Variants in NEGR1 observed in about 807,000 individuals in gnomAD.
NEGR1 encodes the protein IgLON family member 4.
In NEGR1, 10 loss-of-function variants were observed where a neutral mutation model predicts 40.9. That is an observed-to-expected ratio of 0.24 (90% CI 0.15 to 0.42). The LOEUF is 0.42. NEGR1 is among the 10% of genes least tolerant of loss of function. NEGR1 has a pLI of 1.00. For synonymous variants in NEGR1, 185 were observed against 166.8 expected, an observed-to-expected ratio of 1.11 and a Z score of -0.84; for missense variants, 352 against 438.9, an observed-to-expected ratio of 0.80 and a Z score of 1.77.
At chr1:71,579,361 G>T (rs530936219) in intron 6 of NEGR1, among the ~76,000 whole-genome samples, 1 of 152,086 alleles carries the variant, frequency 6.6e-6, no homozygotes. Flanking sequence ...TGTGAATCAA[G>T]TTATTTTAGC....
At chr1:71,583,188 G>A (rs1189601797) in intron 6 of NEGR1, among the ~76,000 whole-genome samples, 4 of 151,724 alleles carry the variant, frequency 2.6e-5, no homozygotes, top group South Asian at 2.1e-4. Flanking sequence ...AGTCAGTAAC[G>A]TAAAAAAAAC....
At chr1:72,140,429 G>T (rs920207110) in intron 1 of NEGR1, among the ~76,000 whole-genome samples, 1 of 151,934 alleles carries the variant, frequency 6.6e-6, no homozygotes, top group African/African-American at 2.4e-5. Context: ...TCATCACATG[G>T]CAGACAACAA....
At chr1:71,818,613 T>C (rs1453650917) in intron 2 of NEGR1, among the ~76,000 whole-genome samples, 1 of 151,960 alleles carries the variant, frequency 6.6e-6, no homozygotes, top group Non-Finnish European at 1.5e-5. Context: ...CAAAATAATC[T>C]GTACACCAAA....
At chr1:72,022,004 A>G (rs535495957) in intron 1 of NEGR1, among the ~76,000 whole-genome samples, 1,906 of 151,762 alleles carry the variant, frequency 0.013, 16 homozygotes, top group Non-Finnish European at 0.018. Flanking sequence ...GCGTGGTGGC[A>G]GGCGCCTGTA....
intron 4 of NEGR1, among the ~76,000 whole-genome samples, chr1:71,688,463 T>TAAAAGATATATATATATAAGA (rs1653138652): frequency 1.4e-4 from 1 of 7,046 alleles, no homozygotes; most frequent in Non-Finnish European, 4.2e-4. Context: ...TGTATATATC[T>TAAAAGATATATATATATAAGA]TTTTTTTTTT....
At chr1:72,045,868 G>A (rs942270810) in intron 1 of NEGR1, among the ~76,000 whole-genome samples, 7 of 151,662 alleles carry the variant, frequency 4.6e-5, no homozygotes, top group East Asian at 3.9e-4. Context: ...CAGAAATTTC[G>A]AAAGAATATC....
At chr1:71,578,347 G>T (rs1649026583) in intron 6 of NEGR1, among the ~76,000 whole-genome samples, 1 of 152,140 alleles carries the variant, frequency 6.6e-6, no homozygotes, top group South Asian at 2.1e-4. Context: ...ATTCTTCATT[G>T]ATCTGGGGCT....
intron 2 of NEGR1, among the ~76,000 whole-genome samples, chr1:71,898,873 ATATTGCAAATATATATAT>A (rs200697912): frequency 0.033 from 2,679 of 81,762 alleles, 53 homozygotes; most frequent in East Asian, 0.22. Context: ...GCAAATATAT[ATATTGCAAATATATATAT>A]ATTGCAAATA....
intron 6 of NEGR1, among the ~76,000 whole-genome samples, chr1:71,444,979 C>G (rs111879878): frequency 0.011 from 1,652 of 152,268 alleles, 20 homozygotes; most frequent in Non-Finnish European, 0.016. Context: ...TGGACATAAT[C>G]TCTGTTCTCA....
At chr1:72,206,821 G>A (rs909543840) in intron 1 of NEGR1, among the ~76,000 whole-genome samples, 11 of 152,028 alleles carry the variant, frequency 7.2e-5, no homozygotes, top group Middle Eastern at 3.4e-3. Context: ...CTAAAGATGG[G>A]TATTTGAGGA....
chr1:71,939,290 G>T (rs770126615), intron 1 of NEGR1, among the ~76,000 whole-genome samples: 1 of 152,034 alleles, frequency 6.6e-6, no homozygotes, highest in Non-Finnish European at 1.5e-5. Flanking sequence ...CTTTATACAT[G>T]TTATCTATTT....
At position 71,914,668 on chromosome 1, in the gene NEGR1, G is replaced by C. The variant is rs75762183; in HGVS notation, c.409+20411C>G. On this transcript the variant is annotated intron_variant, in intron 2 of 6. Coordinates refer to ENST00000357731, the MANE Select transcript of NEGR1 (RefSeq NM_173808.3). ...ATCCACATACTACAGTATTCAGTCCGATGGAAAGATAATGTTTTTTTCTTG... is the reference window on the plus strand; with the variant it reads ...ATCCACATACTACAGTATTCAGTCCCATGGAAAGATAATGTTTTTTTCTTG... Among the ~76,000 whole-genome samples the C allele has an allele frequency of 2.0e-5, 3 of 152,130 alleles. No homozygotes were observed. The East Asian group carries it at 5.8e-4, about 29-fold the overall frequency.
chr1:72,101,622 A>G (rs1363938524), intron 1 of NEGR1, among the ~76,000 whole-genome samples: 1 of 151,990 alleles, frequency 6.6e-6, no homozygotes, highest in East Asian at 1.9e-4. Flanking sequence ...AAGACTGTAG[A>G]CTTTTTTTTT....
rs1044187666 is a variant in NEGR1 at position 71,401,465 on chromosome 1, G to A, written c.*5981C>T. Reference sequence around the variant, plus strand: ...TTTTATGTTTTTCAAACTAAGTGGTGATATCCATAGGATTTGTATTATATT... The same window carrying A: ...TTTTATGTTTTTCAAACTAAGTGGTAATATCCATAGGATTTGTATTATATT... On this transcript the variant is annotated 3_prime_UTR_variant, in exon 7 of 7. Transcript: ENST00000357731. The A allele has an allele frequency of 3.3e-5, 5 of 152,144 alleles. No individual in the cohort carries two copies. The highest frequency in any genetic ancestry group is 1.3e-4 in the Admixed American group (2 of 15,272). 9.4% of individuals were successfully genotyped at this position (152,144 alleles called of 1,614,324 possible). A position where few individuals can be genotyped will look rare whatever the true frequency, so the allele number is the denominator to read the frequency against.
At chr1:72,230,425 T>C (rs961819725) in intron 1 of NEGR1, among the ~76,000 whole-genome samples, 2 of 152,164 alleles carry the variant, frequency 1.3e-5, no homozygotes, top group African/African-American at 4.8e-5. Context: ...TTTACTGATA[T>C]AAGATAAACC....
intron 6 of NEGR1, among the ~76,000 whole-genome samples, chr1:71,560,427 CAT>C (rs1363083073): frequency 3.1e-5 from 1 of 32,292 alleles, no homozygotes; most frequent in Non-Finnish European, 6.3e-5. Flanking sequence ...TGTAATTCTC[CAT>C]TATATATATA....
chr1:71,816,162 A>G (rs11209849), intron 2 of NEGR1, among the ~76,000 whole-genome samples: 11,543 of 152,176 alleles, frequency 0.076, 668 homozygotes, highest in African/African-American at 0.17. Context: ...ATTCATGACC[A>G]GAAAACTCAA....
At chr1:72,163,344 C>A (rs185621783) in intron 1 of NEGR1, among the ~76,000 whole-genome samples, 20 of 152,188 alleles carry the variant, frequency 1.3e-4, no homozygotes, top group Admixed American at 7.9e-4. Flanking sequence ...ACAATAAAAT[C>A]TTTTTATTAA....
chr1:71,861,504 G>C (rs890492376), intron 2 of NEGR1, among the ~76,000 whole-genome samples: 6 of 151,974 alleles, frequency 3.9e-5, no homozygotes. Context: ...AAATGCAGTT[G>C]TCTTCAGACT....
Sources: gnomAD v4.1 joint callset for allele counts (sites outside exome capture counted in the v4.1 genomes callset) on GRCh38, gnomAD v4.1.1 for gene constraint, MANE v1.5 for transcripts, NCBI Gene and HGNC (gene_info 2026-07-23, HGNC 2026-07-21) for gene names.